Variants in CDH20 observed in about 807,000 individuals in gnomAD.
CDH20 encodes the protein cadherin 20.
A neutral mutation model predicts 74.2 loss-of-function variants in CDH20; 29 were observed. The ratio of observed to expected loss-of-function variants is 0.39; its 90% CI spans 0.29 to 0.53. CDH20 has a LOEUF of 0.53. Among genes scored for constraint, CDH20 ranks in the 20% least tolerant of loss-of-function variants. CDH20 has a pLI of 0.69. For synonymous variants in CDH20, 469 were observed against 405.4 expected, an observed-to-expected ratio of 1.16 and a Z score of -1.88; for missense variants, 988 against 1,048.3, an observed-to-expected ratio of 0.94 and a Z score of 0.79.
intron 1 of CDH20, among the ~76,000 whole-genome samples, chr18:61,339,360 T>TACACACACACACACAC (rs35630137): frequency 6.9e-5 from 10 of 145,846 alleles, no homozygotes; most frequent in African/African-American, 2.5e-4. Context: ...GCAAGTTTAT[T>TACACACACACACACAC]ACACACACAC....
chr18:61,389,045 G>C (rs2144198081), intron 1 of CDH20, among the ~76,000 whole-genome samples: 1 of 152,240 alleles, frequency 6.6e-6, no homozygotes, highest in East Asian at 1.9e-4. Flanking sequence ...GTTCCATTCA[G>C]GGTCCCCTCA....
intron 1 of CDH20, among the ~76,000 whole-genome samples, chr18:61,425,036 C>T (rs911564920): frequency 3.1e-5 from 4 of 130,460 alleles, no homozygotes; most frequent in Non-Finnish European, 4.8e-5. Flanking sequence ...CCCACTTCCC[C>T]GCTCCTCTCT....
intron 1 of CDH20, among the ~76,000 whole-genome samples, chr18:61,455,396 G>T (rs549781746): frequency 2.6e-5 from 4 of 152,302 alleles, no homozygotes; most frequent in African/African-American, 7.2e-5. Context: ...TAAGACAAAA[G>T]ATTCCGGAGC....
intron 4 of CDH20, among the ~76,000 whole-genome samples, chr18:61,501,095 G>A (rs1465336749): frequency 6.6e-6 from 1 of 152,238 alleles, no homozygotes; most frequent in Non-Finnish European, 1.5e-5. Context: ...AGGTTTTGAT[G>A]AGGGAGGAAA....
At chr18:61,381,477 G>T (rs1319024059) in intron 1 of CDH20, among the ~76,000 whole-genome samples, 1 of 152,118 alleles carries the variant, frequency 6.6e-6, no homozygotes, top group African/African-American at 2.4e-5. Context: ...CGACCTCAGG[G>T]TTATCTTGCT....
intron 1 of CDH20, among the ~76,000 whole-genome samples, chr18:61,340,951 A>G (rs745375069): frequency 1.2e-4 from 18 of 152,248 alleles, no homozygotes. Context: ...CAAAATAGAT[A>G]GAAATGAACA....
At chr18:61,347,311 TATATATATACACACACAC>T (rs1344541856) in intron 1 of CDH20, among the ~76,000 whole-genome samples, 1 of 76,042 alleles carries the variant, frequency 1.3e-5, no homozygotes, top group African/African-American at 5.5e-5. Flanking sequence ...TATATATATA[TATATATATACACACACAC>T]ACACACACAC....
chr18:61,337,211 A>G (rs1167837571), intron 1 of CDH20, among the ~76,000 whole-genome samples: 1 of 152,184 alleles, frequency 6.6e-6, no homozygotes, highest in Non-Finnish European at 1.5e-5. Flanking sequence ...CCTTTCCCCC[A>G]AAGGCATACC....
rs530985067 is a variant in CDH20 at position 61,488,779 on chromosome 18, G to A, written c.-152-1623G>A. Among the ~76,000 whole-genome samples the A allele has an allele frequency of 9.2e-5, 14 of 152,056 alleles. No individual in the cohort carries two copies. In the East Asian group the frequency reaches 2.5e-3, roughly 27 times the overall value. ...GTCTGCCTTCTAGGCCCCTAAAACAGCACAGCTATTTCTCACTAATCTTTG... is the reference window on the plus strand; with the variant it reads ...GTCTGCCTTCTAGGCCCCTAAAACAACACAGCTATTTCTCACTAATCTTTG... On this transcript the variant is annotated intron_variant, in intron 1 of 11. Coordinates refer to ENST00000262717, the MANE Select transcript of CDH20 (RefSeq NM_031891.4).
chr18:61,524,931 A>T (rs1264312068), intron 6 of CDH20, among the ~76,000 whole-genome samples: 2 of 151,888 alleles, frequency 1.3e-5, no homozygotes, highest in Non-Finnish European at 2.9e-5. Context: ...AAAAAAAAAA[A>T]CTCCTCATTC....
At chr18:61,540,519 A>G (rs1912994193) in intron 9 of CDH20, among the ~76,000 whole-genome samples, 1 of 152,210 alleles carries the variant, frequency 6.6e-6, no homozygotes, top group African/African-American at 2.4e-5. Flanking sequence ...ACTAAGAGCC[A>G]AGTGAAAAGG....
In CDH20 at chr18:61,451,817, G is replaced by A. The variant is rs542802336; in HGVS notation, c.-152-38585G>A. Among the ~76,000 whole-genome samples, 4 of 152,128 alleles carry A rather than the reference G, an allele frequency of 2.6e-5. No homozygotes were observed. In the East Asian group the frequency reaches 7.7e-4, roughly 29 times the overall value. On this transcript the variant is annotated intron_variant, in intron 1 of 11. Transcript: ENST00000262717. The stretch of plus-strand genomic sequence containing the variant: ...AAAAGTTTACATACTTTTTCAGAGA[G>A]CTGACAGTTAAATGTCTAATAGCAC...
chr18:61,336,390 A>G (rs1599021703), intron 1 of CDH20, among the ~76,000 whole-genome samples: 3 of 152,164 alleles, frequency 2.0e-5, no homozygotes, highest in African/African-American at 7.2e-5. Flanking sequence ...TACCATCTCC[A>G]AGAGACTCAG....
chr18:61,494,171 A>G (rs1022176694), intron 2 of CDH20, among the ~76,000 whole-genome samples: 2 of 152,122 alleles, frequency 1.3e-5, no homozygotes, highest in Non-Finnish European at 2.9e-5. Flanking sequence ...TGAAATACAC[A>G]TCACTCCTAC....
intron 1 of CDH20, among the ~76,000 whole-genome samples, chr18:61,423,946 A>G (rs543997536): frequency 1.3e-5 from 2 of 152,240 alleles, no homozygotes; most frequent in African/African-American, 4.8e-5. Context: ...ATTTTTTCTA[A>G]TTTTATCTTC....
intron 3 of CDH20, among the ~76,000 whole-genome samples, chr18:61,499,913 G>A (rs1027903295): frequency 5.9e-5 from 9 of 151,696 alleles, no homozygotes; most frequent in Non-Finnish European, 1.2e-4. Flanking sequence ...GTGAAACCCC[G>A]TCTCTACTAA....
chr18:61,445,746 T>G (rs1416711097), intron 1 of CDH20, among the ~76,000 whole-genome samples: 1 of 152,234 alleles, frequency 6.6e-6, no homozygotes, highest in Non-Finnish European at 1.5e-5. Context: ...CTTAATGGCT[T>G]AAGACAACTA....
intron 7 of CDH20, among the ~76,000 whole-genome samples, chr18:61,530,765 T>G (rs1186959813): frequency 6.6e-6 from 1 of 152,206 alleles, no homozygotes; most frequent in Non-Finnish European, 1.5e-5. Flanking sequence ...ACTGAGCCAT[T>G]TGGCAACTGA....
chr18:61,351,448 T>C (rs1365995152), intron 1 of CDH20, among the ~76,000 whole-genome samples: 1 of 152,170 alleles, frequency 6.6e-6, no homozygotes, highest in East Asian at 1.9e-4. Flanking sequence ...GGTTCACTCA[T>C]TTGAAAAGTG....
Sources: gnomAD v4.1 joint callset for allele counts (sites outside exome capture counted in the v4.1 genomes callset) on GRCh38, gnomAD v4.1.1 for gene constraint, MANE v1.5 for transcripts, NCBI Gene and HGNC (gene_info 2026-07-23, HGNC 2026-07-21) for gene names.